The following PRSS55 variants were observed in gnomAD, a reference collection of about 807,000 sequenced individuals.
The protein encoded by PRSS55 is serine protease 55.
A neutral mutation model predicts 23.6 loss-of-function variants in PRSS55; 41 were observed. The observed-to-expected ratio is 1.74, with a 90% CI of 1.35 to 2.26. The LOEUF (loss-of-function observed/expected upper bound fraction) is 2.26. PRSS55 is among the 30% of genes most tolerant of loss of function. The probability of loss-of-function intolerance (pLI) is 0.00; values close to 1 mark genes in which losing one functional copy is unlikely to be tolerated. For missense variants in PRSS55, 669 were observed against 439.1 expected, an observed-to-expected ratio of 1.52 and a Z score of -4.68; for synonymous variants, 262 against 175.5, an observed-to-expected ratio of 1.49 and a Z score of -3.90.
chr8:10,531,220 G>T, intron 2 of PRSS55, 75 bp from the exon 3 acceptor site: 1 of 1,570,242 alleles, frequency 6.4e-7, no homozygotes, highest in African/African-American at 1.3e-5. Flanking sequence ...TTAGGTTTCT[G>T]GGCACAGCCA....
At chr8:10,550,215 G>T (rs373169381) in intron 4 of PRSS55, among the ~76,000 whole-genome samples, 10 of 152,130 alleles carry the variant, frequency 6.6e-5, no homozygotes, top group Admixed American at 6.5e-4. Flanking sequence ...GAGCCATTGC[G>T]CCCGGCCCAC....
downstream of PRSS55, chr8:10,540,480 G>C (rs1368356490): frequency 6.6e-6 from 1 of 152,284 alleles, no homozygotes; most frequent in African/African-American, 2.4e-5. Context: ...GGGAGGCTGA[G>C]ATGGGTGGAT....
chr8:10,532,685 G>C (rs2117029576), intron 3 of PRSS55, among the ~76,000 whole-genome samples: 1 of 152,310 alleles, frequency 6.6e-6, no homozygotes, highest in East Asian at 1.9e-4. Context: ...GTAGAAATTT[G>C]GTTTTGAATG....
At position 10,538,511 on chromosome 8, in the gene PRSS55, GC is replaced by G. The variant is rs1812535185; in HGVS notation, c.779del (p.Pro260LeufsTer11). The stretch of plus-strand genomic sequence containing the variant: ...GGGGGCCTCTGGTCTGCACCCCAGA[GC>G]CTGGTGAGAAGTGGTACCAGGTGGG... ...SGGPLVCTPE[P>X]GEKWYQVGII... On this transcript the variant is annotated frameshift_variant, in exon 5 of 5. Transcript: ENST00000328655. LOFTEE classifies it low-confidence loss of function (END_TRUNC). The G allele has an allele frequency of 6.2e-7, 1 of 1,613,936 alleles. No homozygotes were observed. Among genetic ancestry groups the G allele is most frequent in the South Asian group, 1.1e-5 (1 of 91,078 alleles).
chr8:10,544,643 T>A (rs1812768366), intron 4 of PRSS55, among the ~76,000 whole-genome samples: 1 of 152,228 alleles, frequency 6.6e-6, no homozygotes, highest in South Asian at 2.1e-4. Context: ...TGTAGCATTT[T>A]AATTTTTTAA....
intron 2 of PRSS55, among the ~76,000 whole-genome samples, chr8:10,530,257 C>T (rs763939880): frequency 3.0e-4 from 46 of 152,274 alleles, no homozygotes; most frequent in Middle Eastern, 3.4e-3. Context: ...ATCAGGAGTT[C>T]GGTGGTCAGG....
chr8:10,532,854 G>A (rs969547714), intron 3 of PRSS55, 52 bp from the exon 4 acceptor site: 26 of 1,610,156 alleles, frequency 1.6e-5, no homozygotes, highest in Middle Eastern at 1.7e-4. Context: ...CATCACGAAC[G>A]TGGGGACATG....
chr8:10,531,211 T>C, intron 2 of PRSS55, 84 bp from the exon 3 acceptor site: 3 of 1,541,700 alleles, frequency 1.9e-6, no homozygotes, highest in East Asian at 2.3e-5. Context: ...ACATGGGATT[T>C]AGGTTTCTGG....
chr8:10,547,080 C>G (rs1812835895), intron 4 of PRSS55, among the ~76,000 whole-genome samples: 1 of 152,224 alleles, frequency 6.6e-6, no homozygotes, highest in Non-Finnish European at 1.5e-5. Context: ...GAAGACCACG[C>G]TCTGGCTTCA....
chr8:10,542,419 G>GGGAAGAA (rs60800512), downstream of PRSS55, among the ~76,000 whole-genome samples: 76,782 of 132,982 alleles, frequency 0.58, 22,131 homozygotes, highest in South Asian at 0.74. Context: ...CCATGCGGGG[G>GGGAAGAA]AAAAAAAAAA....
rs1296863700 is a variant in PRSS55, at chr8:10,529,640, C to T, written c.288C>T (p.Ser96=). The T allele has an allele frequency of 1.1e-5, 18 of 1,614,208 alleles. No individual in the cohort carries two copies. The highest frequency in any genetic ancestry group is 1.4e-5 in the Non-Finnish European group (17 of 1,180,038). The change falls in exon 2 of 5, where the codon TCC becomes TCT. Residue 96 remains serine, a synonymous_variant. Transcript: ENST00000328655. ...GAAGTGAACCTTTCTGTGGCGGCTC[C>T]ATCCTCAACAAGTGGTGGATTCTCA... The part of the protein sequence containing the change: ...QARSEPFCGG[S]ILNKWWILTA...
At chr8:10,539,734 T>A (rs1812591607), downstream of PRSS55, among the ~76,000 whole-genome samples, 1 of 152,236 alleles carries the variant, frequency 6.6e-6, no homozygotes, top group Non-Finnish European at 1.5e-5. Context: ...CCATGTAAGA[T>A]GTGCCTTTTG....
chr8:10,542,419 G>GGGA (rs60800512), downstream of PRSS55, among the ~76,000 whole-genome samples: 15 of 133,526 alleles, frequency 1.1e-4, no homozygotes, highest in African/African-American at 2.5e-4. Context: ...CCATGCGGGG[G>GGGA]AAAAAAAAAA....
Position 10,538,731 on chromosome 8 carries a change from C to G in PRSS55, c.997C>G (p.Pro333Ala), listed in dbSNP as rs367986560. ...PVSGVPEPGSPRSWLLLCPLS... is the reference protein window; with the variant it reads ...PVSGVPEPGSARSWLLLCPLS... The stretch of plus-strand genomic sequence containing the variant: ...CTCGGGAGTCCCAGAGCCAGGCAGC[C>G]CCAGATCCTGGCTCCTGCTCTGTCC... Residue 333 changes from proline to alanine, a missense_variant, in exon 5 of 5, where the codon CCC (proline) becomes GCC (alanine). Physicochemically the swap from Pro to Ala is conservative, Grantham distance 27. Transcript: ENST00000328655. The G allele has an allele frequency of 6.2e-6, 10 of 1,612,770 alleles. No homozygotes were observed. The highest frequency in any genetic ancestry group is 8.5e-6 in the Non-Finnish European group (10 of 1,179,448).
intron 4 of PRSS55, among the ~76,000 whole-genome samples, chr8:10,549,070 C>G (rs1480540585): frequency 1.3e-5 from 2 of 152,176 alleles, no homozygotes; most frequent in African/African-American, 4.8e-5. Context: ...GCCCCTGGAG[C>G]CTGGAGCATT....
chr8:10,528,438 T>C (rs1812115327), intron 1 of PRSS55, among the ~76,000 whole-genome samples: 1 of 152,304 alleles, frequency 6.6e-6, no homozygotes, highest in African/African-American at 2.4e-5. Flanking sequence ...ACTCATGCCT[T>C]GTTCCAGAAC....
At chr8:10,531,917 G>C (rs983053458) in intron 3 of PRSS55, among the ~76,000 whole-genome samples, 2 of 152,250 alleles carry the variant, frequency 1.3e-5, no homozygotes, top group South Asian at 2.1e-4. Flanking sequence ...CCCTGGGCTA[G>C]GCTCTGACGG....
chr8:10,530,309 T>C (rs1276396525), intron 2 of PRSS55, among the ~76,000 whole-genome samples: 3 of 152,130 alleles, frequency 2.0e-5, no homozygotes, highest in African/African-American at 4.8e-5. Context: ...ACCCCATCTA[T>C]ACTAAAAATA....
intron 4 of PRSS55, chr8:10,553,902 T>TA (rs1813004389): frequency 2.2e-6 from 3 of 1,356,760 alleles, no homozygotes; most frequent in Non-Finnish European, 2.0e-6. Context: ...AATAAATACA[T>TA]AAAATTTTTT....
Sources: allele counts gnomAD v4.1 joint callset (sites outside exome capture counted in the v4.1 genomes callset), GRCh38; gene constraint gnomAD v4.1.1; transcripts MANE v1.5; gene names NCBI Gene and HGNC (gene_info 2026-07-23, HGNC 2026-07-21).